Variants in GLT6D1 observed in about 807,000 individuals in gnomAD.
GLT6D1 encodes putative glycosyltransferase 6 domain-containing protein 1.
In GLT6D1, 9 loss-of-function variants were observed where a neutral mutation model predicts 12.3. The observed-to-expected ratio is 0.73, with a 90% confidence interval of 0.44 to 1.27. GLT6D1 has a LOEUF of 1.27. Ranked by LOEUF, GLT6D1 falls within the 50% of genes most tolerant of loss-of-function variation. The pLI, the probability that GLT6D1 is intolerant of heterozygous loss-of-function variation, is 0.00. For missense variants in GLT6D1, 335 were observed against 346.2 expected, an observed-to-expected ratio of 0.97 and a Z score of 0.26; for synonymous variants, 128 against 132.3, an observed-to-expected ratio of 0.97 and a Z score of 0.23.
At chr9:135,640,731 A>G (rs1833875962), upstream of GLT6D1, among the ~76,000 whole-genome samples, 2 of 151,988 alleles carry the variant, frequency 1.3e-5, no homozygotes, top group East Asian at 3.9e-4. Flanking sequence ...AAAAAAAAAG[A>G]AAAAAAGGAG....
At chr9:135,633,137 C>A (rs1191256760) in intron 2 of GLT6D1, among the ~76,000 whole-genome samples, 1 of 152,222 alleles carries the variant, frequency 6.6e-6, no homozygotes, top group African/African-American at 2.4e-5. Context: ...GTTTCCCCTG[C>A]CTCTCTTGCC....
Position 135,626,252 on chromosome 9 carries a change from G to A in GLT6D1, c.120-46C>T, listed in dbSNP as rs760531068. 1.0e-5 allele frequency: 16 copies of A among 1,603,284 alleles called. No individual in the cohort carries two copies. In the African/African-American group the frequency reaches 1.3e-4, roughly 13 times the overall value. The stretch of plus-strand genomic sequence containing the variant: ...TAAACAGGGAGTGCTTTACTGAGGC[G>A]CCGGCAGCAGGTGCCGAGCAGTAAT... On this transcript the variant is annotated intron_variant, in intron 3 of 4. Transcript: ENST00000371763.
At position 135,624,652 on chromosome 9, in the gene GLT6D1, C is replaced by T. The variant is rs1833453242; in HGVS notation, c.276G>A (p.Leu92=). ...TATTTGCGGAGTGTAGGAACGGCCT[C>T]AGGTACTCCTCTGCAAACCTAGGAA... ...FATGRFAEEY[L]RPFLHSANKH... Residue 92 remains leucine (L), a synonymous_variant, in exon 5 of 5, where the codon CTG becomes CTA. Coordinates refer to ENST00000371763, the MANE Select transcript of GLT6D1 (RefSeq NM_182974.3). 1 of 1,573,390 alleles carries T rather than the reference C, an allele frequency of 6.4e-7. No individual in the cohort carries two copies. Among genetic ancestry groups the T allele is most frequent in the Non-Finnish European group, 8.6e-7 (1 of 1,157,858 alleles).
In GLT6D1 at chr9:135,639,109, A is replaced by T; in HGVS notation, c.71+8T>A. On this transcript the variant is annotated splice_region_variant and intron_variant, in intron 2 of 4. Transcript: ENST00000371763. ...AAAGATCATGATTTATCAATACTTT[A>T]TATTTACCTGAAATAACGCTCAACC... The T allele has an allele frequency of 6.8e-7, 1 of 1,462,584 alleles. No individual in the cohort carries two copies. The highest frequency in any genetic ancestry group is 9.6e-7 in the Non-Finnish European group (1 of 1,044,662). The allele number at this position is 1,462,584 out of a possible 1,614,324, so 90.6% of individuals were successfully genotyped here.
Position 135,626,054 on chromosome 9 carries a change from G to T in GLT6D1, c.257+15C>A, listed in dbSNP as rs774659920. On this transcript the variant is annotated intron_variant, in intron 4 of 4. Coordinates refer to ENST00000371763, the MANE Select transcript of GLT6D1 (RefSeq NM_182974.3). ...TTTCCCAAAATAAAAAAGGGCAAAGGTGAGTGGCACCTACCTGCCAGTAGC... is the reference window on the plus strand; with the variant it reads ...TTTCCCAAAATAAAAAAGGGCAAAGTTGAGTGGCACCTACCTGCCAGTAGC... The T allele has an allele frequency of 5.0e-6, 8 of 1,613,672 alleles. No individual in the cohort carries two copies. Among genetic ancestry groups the T allele is most frequent in the Admixed American group, 1.7e-5 (1 of 59,972 alleles).
At position 135,631,425 on chromosome 9, in the gene GLT6D1, T is replaced by C; in HGVS notation, c.119+6A>G. The C allele has an allele frequency of 6.2e-7, 1 of 1,606,936 alleles. No individual in the cohort carries two copies. Among genetic ancestry groups the C allele is most frequent in the Non-Finnish European group, 8.5e-7 (1 of 1,173,368 alleles). ...TGTGCATGTAAACAGGCATTTTTGT[T>C]CTTACCTAGGATGAAACCAGTCTGA... is the stretch of plus-strand genomic sequence containing the variant. On this transcript the variant is annotated splice_donor_region_variant and intron_variant, in intron 3 of 4. Transcript: ENST00000371763.
intron 2 of GLT6D1, among the ~76,000 whole-genome samples, chr9:135,636,545 C>A (rs958803410): frequency 6.6e-6 from 1 of 152,286 alleles, no homozygotes; most frequent in African/African-American, 2.4e-5. Flanking sequence ...GTTAATTTCA[C>A]TCTTCGTGCT....
At chr9:135,634,408 G>A (rs952335895) in intron 2 of GLT6D1, among the ~76,000 whole-genome samples, 5 of 139,734 alleles carry the variant, frequency 3.6e-5, no homozygotes, top group Admixed American at 7.3e-5. Flanking sequence ...AATTACAGGC[G>A]TAAGCCACCA....
intron 2 of GLT6D1, among the ~76,000 whole-genome samples, chr9:135,637,398 T>G (rs2119153670): frequency 6.6e-6 from 1 of 151,676 alleles, no homozygotes; most frequent in South Asian, 2.1e-4. Flanking sequence ...ATCAGTTGGC[T>G]ACATGCCTAG....
At chr9:135,629,062 CTCT>C (rs1382001780) in intron 3 of GLT6D1, among the ~76,000 whole-genome samples, 1 of 151,836 alleles carries the variant, frequency 6.6e-6, no homozygotes, top group Non-Finnish European at 1.5e-5. Context: ...AATTGATTTG[CTCT>C]TCTTTTTTTC....
chr9:135,629,276 G>A lies in GLT6D1; in HGVS notation c.119+2155C>T, dbSNP rs527744891. 7.9e-5 allele frequency among the ~76,000 whole-genome samples: 12 copies of A among 152,104 alleles called. No homozygotes were observed. The South Asian group carries it at 2.5e-3, about 32-fold the overall frequency. ...TTTATAGCTATAAATTTCTCAGTAA[G>A]CACTGTTTTTGCTGCATCCCATAAG... On this transcript the variant is annotated intron_variant, in intron 3 of 4. Transcript: ENST00000371763.
At chr9:135,634,317 C>T (rs1176507757) in intron 2 of GLT6D1, among the ~76,000 whole-genome samples, 1 of 151,952 alleles carries the variant, frequency 6.6e-6, no homozygotes, top group Middle Eastern at 3.2e-3. Flanking sequence ...TTAGAAGAGA[C>T]AGGATTTTGC....
Position 135,639,242 on chromosome 9 carries a change from A to T in GLT6D1, c.-6-49T>A, listed in dbSNP as rs1588208115. 12 of 1,062,564 alleles carry T rather than the reference A, an allele frequency of 1.1e-5. No individual in the cohort carries two copies. In the East Asian group the frequency reaches 2.9e-4, roughly 26 times the overall value. The allele number at this position is 1,062,564 out of a possible 1,614,324, so 65.8% of individuals were successfully genotyped here. A position where few individuals can be genotyped will look rare whatever the true frequency, so the allele number is the denominator to read the frequency against. Reference sequence around the variant, plus strand: ...TAGATTTTAAGCAATAAAAAATGACATATTTGTCATCATCTAACAATGGGT... The same window carrying T: ...TAGATTTTAAGCAATAAAAAATGACTTATTTGTCATCATCTAACAATGGGT... On this transcript the variant is annotated intron_variant, in intron 1 of 4. Coordinates refer to ENST00000371763, the MANE Select transcript of GLT6D1 (RefSeq NM_182974.3).
chr9:135,625,651 T>C (rs1288402031), intron 4 of GLT6D1, among the ~76,000 whole-genome samples: 1 of 152,186 alleles, frequency 6.6e-6, no homozygotes, highest in African/African-American at 2.4e-5. Context: ...TTGCAATGCA[T>C]TGTGGGCTGC....
At chr9:135,633,549 C>T (rs1167151651) in intron 2 of GLT6D1, among the ~76,000 whole-genome samples, 1 of 152,186 alleles carries the variant, frequency 6.6e-6, no homozygotes, top group Non-Finnish European at 1.5e-5. Context: ...GCTACCACAC[C>T]TGGCCTGAGA....
At chr9:135,624,791 G>T (rs1369186901) in intron 4 of GLT6D1, 121 bp from the exon 5 acceptor site, 13 of 601,980 alleles carry the variant, frequency 2.2e-5, no homozygotes, top group Non-Finnish European at 2.8e-5. Flanking sequence ...GTGCAGTGGC[G>T]TGATCTCGGC....
At chr9:135,634,946 T>A (rs771876076) in intron 2 of GLT6D1, among the ~76,000 whole-genome samples, 3 of 152,228 alleles carry the variant, frequency 2.0e-5, no homozygotes, top group Non-Finnish European at 4.4e-5. Flanking sequence ...GTTTTCTTTA[T>A]AAGAAAGCGC....
upstream of GLT6D1, among the ~76,000 whole-genome samples, chr9:135,639,827 A>G (rs1833855267): frequency 6.8e-6 from 1 of 146,430 alleles, no homozygotes; most frequent in East Asian, 2.0e-4. Flanking sequence ...CAGGTCTCTG[A>G]TTCTCTGATT....
chr9:135,631,229 C>G (rs888987758), intron 3 of GLT6D1, among the ~76,000 whole-genome samples: 2 of 152,188 alleles, frequency 1.3e-5, no homozygotes, highest in Non-Finnish European at 2.9e-5. Flanking sequence ...AGGTAGAGAG[C>G]GTCTGCTTCT....
Sources: allele counts gnomAD v4.1 joint callset (sites outside exome capture counted in the v4.1 genomes callset), GRCh38; gene constraint gnomAD v4.1.1; transcripts MANE v1.5; gene names NCBI Gene and HGNC (gene_info 2026-07-23, HGNC 2026-07-21).